The following PPP2R5E variants were observed in gnomAD, a reference collection of about 807,000 sequenced individuals.
The protein encoded by PPP2R5E is serine/threonine-protein phosphatase 2A 56 kDa regulatory subunit epsilon isoform.
In PPP2R5E, 4 loss-of-function variants were observed where a neutral mutation model predicts 65.3. The ratio of observed to expected loss-of-function variants is 0.06; its 90% CI spans 0.03 to 0.14. The LOEUF (loss-of-function observed/expected upper bound fraction) is 0.14. Among genes scored for constraint, PPP2R5E ranks in the 10% least tolerant of loss-of-function variants. The pLI is 1.00. For missense variants in PPP2R5E, 274 were observed against 556.1 expected (o/e 0.49, Z 5.10); for synonymous variants, 183 against 187.4 (o/e 0.98, Z 0.19).
intron 5 of PPP2R5E, among the ~76,000 whole-genome samples, chr14:63,400,002 A>AC (rs1355200222): frequency 6.6e-6 from 1 of 152,130 alleles, no homozygotes; most frequent in African/African-American, 2.4e-5. Flanking sequence ...GGACCAAAAA[A>AC]AGGCCCCTCA....
chr14:63,538,248 C>T (rs113513112), intron 2 of PPP2R5E, among the ~76,000 whole-genome samples: 5,573 of 148,758 alleles, frequency 0.037, 249 homozygotes, highest in African/African-American at 0.11. Flanking sequence ...CAGTGAGCCC[C>T]AACCTGCACT....
At chr14:63,388,508 G>GA (rs1884817373) in intron 11 of PPP2R5E, among the ~76,000 whole-genome samples, 1 of 152,038 alleles carries the variant, frequency 6.6e-6, no homozygotes, top group African/African-American at 2.4e-5. Context: ...GCTGAAAACT[G>GA]AAAAAAATAA....
chr14:63,518,944 C>A (rs890014395), intron 2 of PPP2R5E, among the ~76,000 whole-genome samples: 2 of 152,130 alleles, frequency 1.3e-5, no homozygotes, highest in Non-Finnish European at 2.9e-5. Flanking sequence ...AGAGGCCGGG[C>A]GCAGTGGCTC....
At chr14:63,412,524 A>C (rs564587375) in intron 5 of PPP2R5E, among the ~76,000 whole-genome samples, 2 of 152,344 alleles carry the variant, frequency 1.3e-5, no homozygotes, top group Admixed American at 1.3e-4. Context: ...AAATGGACAC[A>C]ACCAGGATAC....
chr14:63,400,429 T>C (rs1194885014), intron 5 of PPP2R5E, among the ~76,000 whole-genome samples: 1 of 152,214 alleles, frequency 6.6e-6, no homozygotes, highest in East Asian at 1.9e-4. Flanking sequence ...AAGTGGGATA[T>C]GAGTGCTCCT....
intron 2 of PPP2R5E, among the ~76,000 whole-genome samples, chr14:63,524,361 G>A (rs928062506): frequency 2.6e-5 from 4 of 152,154 alleles, no homozygotes; most frequent in Non-Finnish European, 5.9e-5. Flanking sequence ...ATGAGGGAAC[G>A]CATATTTATT....
At chr14:63,395,543 G>A (rs909113659) in intron 6 of PPP2R5E, among the ~76,000 whole-genome samples, 7 of 32,818 alleles carry the variant, frequency 2.1e-4, no homozygotes, top group Non-Finnish European at 3.8e-4. Context: ...GAGGAGGGAA[G>A]AGAGGAGGAG....
intron 2 of PPP2R5E, among the ~76,000 whole-genome samples, chr14:63,519,492 C>T (rs1892798525): frequency 6.7e-6 from 1 of 149,828 alleles, no homozygotes; most frequent in Non-Finnish European, 1.5e-5. Flanking sequence ...AGGCACACAC[C>T]ACCATGCCCA....
At chr14:63,431,026 T>C (rs1887641245) in intron 3 of PPP2R5E, among the ~76,000 whole-genome samples, 1 of 152,142 alleles carries the variant, frequency 6.6e-6, no homozygotes, top group Admixed American at 6.6e-5. Context: ...TCCCAGCACT[T>C]TGGGAGGCCA....
intron 2 of PPP2R5E, among the ~76,000 whole-genome samples, chr14:63,513,845 A>G (rs763473037): frequency 2.0e-5 from 3 of 152,192 alleles, no homozygotes; most frequent in East Asian, 3.8e-4. Flanking sequence ...ATGAATCCCT[A>G]TAAGGCAAGA....
chr14:63,483,054 T>A (rs1019455856), intron 2 of PPP2R5E, among the ~76,000 whole-genome samples: 2 of 152,152 alleles, frequency 1.3e-5, no homozygotes, highest in Admixed American at 6.5e-5. Context: ...CCTGTCATCC[T>A]AGGACTTTGG....
At chr14:63,531,472 ATAAAAT>A (rs1190362657) in intron 2 of PPP2R5E, among the ~76,000 whole-genome samples, 3 of 136,786 alleles carry the variant, frequency 2.2e-5, no homozygotes, top group Middle Eastern at 7.0e-3. Context: ...TATAATAATA[ATAAAAT>A]TAAAAAGAAA....
intron 3 of PPP2R5E, among the ~76,000 whole-genome samples, chr14:63,447,091 C>T (rs963113647): frequency 3.3e-5 from 5 of 152,262 alleles, no homozygotes; most frequent in South Asian, 4.1e-4. Flanking sequence ...GGTTGTTAGA[C>T]GCCCTAAGAT....
In PPP2R5E at chr14:63,372,906, G is replaced by A. The variant is rs912983532; in HGVS notation, c.*3103C>T. On this transcript the variant is annotated 3_prime_UTR_variant, in exon 14 of 14. Coordinates refer to ENST00000337537, the MANE Select transcript of PPP2R5E (RefSeq NM_006246.5). ...GCTTGTGAGTATCCAGTGGCATCGA[G>A]GGTATTATTTATTTCTTTTTTTTTC... The A allele has an allele frequency of 2.6e-5, 4 of 152,048 alleles. No individual in the cohort carries two copies. Among genetic ancestry groups the A allele is most frequent in the Non-Finnish European group, 5.9e-5 (4 of 68,010 alleles). The allele number at this position is 152,048 out of a possible 1,614,324, so 9.4% of individuals were successfully genotyped here. A position where few individuals can be genotyped will look rare whatever the true frequency, so the allele number is the denominator to read the frequency against.
chr14:63,515,507 T>C (rs547035392), intron 2 of PPP2R5E, among the ~76,000 whole-genome samples: 3 of 152,268 alleles, frequency 2.0e-5, no homozygotes, highest in East Asian at 3.9e-4. Flanking sequence ...CATAATGTTG[T>C]TTTTGTGAAC....
At chr14:63,402,609 G>A (rs1465591281) in intron 5 of PPP2R5E, among the ~76,000 whole-genome samples, 1 of 151,538 alleles carries the variant, frequency 6.6e-6, no homozygotes, top group African/African-American at 2.4e-5. Flanking sequence ...GGATATTCAG[G>A]AAATTTTTTA....
At chr14:63,445,068 T>G (rs181827854) in intron 3 of PPP2R5E, among the ~76,000 whole-genome samples, 29 of 152,312 alleles carry the variant, frequency 1.9e-4, no homozygotes, top group African/African-American at 7.0e-4. Flanking sequence ...CTCCCTCTAT[T>G]TATAACAGAA....
chr14:63,424,118 A>C (rs1484555054), intron 3 of PPP2R5E, among the ~76,000 whole-genome samples: 1 of 152,220 alleles, frequency 6.6e-6, no homozygotes, highest in African/African-American at 2.4e-5. Context: ...AGACAGAAAT[A>C]GACTGATTCA....
intron 3 of PPP2R5E, among the ~76,000 whole-genome samples, chr14:63,438,318 C>T (rs1192309570): frequency 6.6e-6 from 1 of 152,214 alleles, no homozygotes; most frequent in African/African-American, 2.4e-5. Flanking sequence ...AGTAGAGAGA[C>T]AGCCAAATCA....
Sources: allele counts gnomAD v4.1 joint callset (sites outside exome capture counted in the v4.1 genomes callset), GRCh38; gene constraint gnomAD v4.1.1; transcripts MANE v1.5; gene names NCBI Gene and HGNC (gene_info 2026-07-23, HGNC 2026-07-21).